The following SAMSN1 variants were observed in gnomAD, a reference collection of about 807,000 sequenced individuals.
SAMSN1 encodes the protein SAM domain, SH3 domain and nuclear localization signals 1, also known as SAM domain-containing protein SAMSN-1.
Under a neutral mutation model 42.0 loss-of-function variants are expected in SAMSN1, and 31 were observed. That is an observed-to-expected ratio of 0.74 (90% confidence interval 0.55 to 1.00). The LOEUF (loss-of-function observed/expected upper bound fraction) is 1.00, where lower values mean the gene tolerates loss of function less well. Ranked by LOEUF, SAMSN1 falls within the 50% of genes least tolerant of loss-of-function variation. The pLI is 0.00. For synonymous variants in SAMSN1, 178 were observed against 151.9 expected (o/e 1.17, Z -1.26); for missense variants, 464 against 439.4 (o/e 1.06, Z -0.50).
At chr21:14,618,495 C>G (rs1334124080) in intron 2 of SAMSN1, among the ~76,000 whole-genome samples, 1 of 152,286 alleles carries the variant, frequency 6.6e-6, no homozygotes, top group Non-Finnish European at 1.5e-5. Flanking sequence ...ATACCAGACT[C>G]AAAGCAGCTG....
chr21:14,617,890 T>C (rs1467299896), intron 2 of SAMSN1, among the ~76,000 whole-genome samples: 3 of 152,194 alleles, frequency 2.0e-5, no homozygotes, highest in African/African-American at 7.2e-5. Context: ...TACGCAAACA[T>C]AGTCTCCTGT....
intron 5 of SAMSN1, among the ~76,000 whole-genome samples, chr21:14,606,870 G>A (rs945590084): frequency 2.6e-5 from 4 of 152,166 alleles, no homozygotes; most frequent in African/African-American, 7.2e-5. Context: ...ATGTTGTTGA[G>A]CTATGGATTA....
At chr21:14,532,410 A>G (rs1979329022) in intron 1 of SAMSN1, among the ~76,000 whole-genome samples, 1 of 152,212 alleles carries the variant, frequency 6.6e-6, no homozygotes, top group South Asian at 2.1e-4. Flanking sequence ...TAGAGGAAGA[A>G]TGGGTGGGAA....
chr21:14,649,667 G>A (rs2123393500), intron 1 of SAMSN1, among the ~76,000 whole-genome samples: 1 of 152,030 alleles, frequency 6.6e-6, no homozygotes, highest in Non-Finnish European at 1.5e-5. Flanking sequence ...CTACTCAGGA[G>A]GCTGAGGTAG....
At chr21:14,597,144 G>A (rs1412016833) in intron 6 of SAMSN1, among the ~76,000 whole-genome samples, 2 of 151,828 alleles carry the variant, frequency 1.3e-5, no homozygotes, top group Non-Finnish European at 2.9e-5. Flanking sequence ...CCCCCTTTTA[G>A]ATTGTTCACA....
intron 5 of SAMSN1, among the ~76,000 whole-genome samples, chr21:14,503,820 T>C (rs1050526628): frequency 1.3e-5 from 2 of 152,102 alleles, no homozygotes; most frequent in African/African-American, 4.8e-5. Context: ...CTGGGAGGAC[T>C]CACAGATCCC....
intron 5 of SAMSN1, among the ~76,000 whole-genome samples, chr21:14,503,734 C>A (rs1987275742): frequency 6.6e-6 from 1 of 152,154 alleles, no homozygotes; most frequent in Admixed American, 6.5e-5. Flanking sequence ...GCAGCTCCAA[C>A]TCGAGCAGAG....
At chr21:14,570,870 T>C (rs1981276615) in intron 2 of SAMSN1, among the ~76,000 whole-genome samples, 1 of 152,198 alleles carries the variant, frequency 6.6e-6, no homozygotes, top group African/African-American at 2.4e-5. Context: ...CTTGCTTAGC[T>C]TCCTCATTGC....
At chr21:14,537,989 A>T (rs940187558) in intron 1 of SAMSN1, among the ~76,000 whole-genome samples, 1 of 152,138 alleles carries the variant, frequency 6.6e-6, no homozygotes, top group Non-Finnish European at 1.5e-5. Context: ...CATGTTCTAG[A>T]CTTCATTTTC....
intron 2 of SAMSN1, among the ~76,000 whole-genome samples, chr21:14,577,230 ATATGTGTG>A (rs1568815891): frequency 1.6e-4 from 6 of 37,274 alleles, no homozygotes; most frequent in African/African-American, 1.2e-3. Context: ...TAATTTATAT[ATATGTGTG>A]TATATATATA....
intron 2 of SAMSN1, among the ~76,000 whole-genome samples, chr21:14,628,384 C>T (rs1408741648): frequency 7.2e-5 from 11 of 151,890 alleles, no homozygotes; most frequent in African/African-American, 1.5e-4. Context: ...ACTGTATACT[C>T]CCCAAATATG....
At position 14,546,283 on chromosome 21, in the gene SAMSN1, G is replaced by A. The variant is rs770060559; in HGVS notation, c.-22C>T. ...GCATTTTGAATTCTGACTACTCCTA[G>A]TGAGTGCACTTTCTGCTGTTACAGA... On this transcript the variant is annotated 5_prime_UTR_variant, in exon 1 of 8. Transcript: ENST00000400566. 16 of 1,612,586 alleles carry A rather than the reference G, an allele frequency of 9.9e-6. No homozygotes were observed. The African/African-American group carries it at 1.7e-4, about 18-fold the overall frequency.
chr21:14,510,413 C>G lies in SAMSN1; in HGVS notation c.458G>C (p.Arg153Pro). ...SDGTSNRDSF[R>P]LDDDGPYSGP... is the part of the protein sequence containing the mutation. ...TGAATAGGGGCCATCGTCATCCAGT[C>G]GAAAGCTGTCCCGGTTACTTGTACC... is the stretch of plus-strand genomic sequence containing the variant. Residue 153 changes from arginine to proline, a missense_variant, in exon 5 of 8, where the codon CGA becomes CCA. By Grantham distance (103) the Arg-to-Pro change is moderately radical (BLOSUM62 -2). Transcript: ENST00000400566. 6.2e-7 allele frequency: 1 copy of G among 1,614,120 alleles called. No homozygotes were observed.
chr21:14,557,155 G>A (rs1390339887), intron 2 of SAMSN1, among the ~76,000 whole-genome samples: 2 of 152,172 alleles, frequency 1.3e-5, no homozygotes, highest in Admixed American at 6.5e-5. Context: ...CCCATCCACG[G>A]AGAACCTGTG....
chr21:14,631,029 C>T (rs1306227417), intron 2 of SAMSN1, among the ~76,000 whole-genome samples: 1 of 152,170 alleles, frequency 6.6e-6, no homozygotes, highest in Non-Finnish European at 1.5e-5. Flanking sequence ...TCCATTTACC[C>T]ATTTATAAGA....
At chr21:14,600,058 A>G (rs1982387754) in intron 6 of SAMSN1, among the ~76,000 whole-genome samples, 1 of 152,126 alleles carries the variant, frequency 6.6e-6, no homozygotes, top group African/African-American at 2.4e-5. Context: ...TGCCTTTTTA[A>G]GTAATACTCC....
chr21:14,634,213 T>C (rs1201543403), intron 2 of SAMSN1, among the ~76,000 whole-genome samples: 3 of 150,826 alleles, frequency 2.0e-5, no homozygotes, highest in Non-Finnish European at 4.4e-5. Flanking sequence ...AAAAAAACCC[T>C]AGAAGAAAAC....
chr21:14,487,910 T>C (rs919849747), intron 7 of SAMSN1, among the ~76,000 whole-genome samples: 1 of 152,172 alleles, frequency 6.6e-6, no homozygotes, highest in Non-Finnish European at 1.5e-5. Flanking sequence ...TTTGTGTGCA[T>C]TATTCATGAC....
At chr21:14,558,630 G>T (rs1016043421) in intron 2 of SAMSN1, among the ~76,000 whole-genome samples, 3 of 152,092 alleles carry the variant, frequency 2.0e-5, no homozygotes, top group Non-Finnish European at 2.9e-5. Flanking sequence ...GCAGTGAGCC[G>T]ACATCTCATC....
Sources: gnomAD v4.1 joint callset for allele counts (sites outside exome capture counted in the v4.1 genomes callset) on GRCh38, gnomAD v4.1.1 for gene constraint, MANE v1.5 for transcripts, NCBI Gene and HGNC (gene_info 2026-07-23, HGNC 2026-07-21) for gene names.